GRIN2B: variants seen among roughly 807,000 people sequenced by gnomAD.
The protein encoded by GRIN2B is glutamate ionotropic receptor NMDA type subunit 2B, also known as glutamate receptor ionotropic, NMDA 2B.
Under a neutral mutation model 114.5 loss-of-function variants are expected in GRIN2B, and 5 were observed. The ratio of observed to expected loss-of-function variants is 0.04; its 90% CI spans 0.02 to 0.09. The LOEUF (loss-of-function observed/expected upper bound fraction) is 0.09, where lower values mean the gene tolerates loss of function less well. Ranked by LOEUF, GRIN2B falls within the 10% of genes least tolerant of loss-of-function variation. The probability of loss-of-function intolerance (pLI) is 1.00; values close to 1 mark genes in which losing one functional copy is unlikely to be tolerated. For synonymous variants in GRIN2B, 787 were observed against 745.1 expected (o/e 1.06, Z -0.92); for missense variants, 1,108 against 1,943.5 (o/e 0.57, Z 8.08).
At chr12:13,619,271 A>G (rs957610846) in intron 5 of GRIN2B, among the ~76,000 whole-genome samples, 1 of 152,248 alleles carries the variant, frequency 6.6e-6, no homozygotes, top group Non-Finnish European at 1.5e-5. Flanking sequence ...TTGATGTTTT[A>G]AAAAGCAATT....
At position 13,615,029 on chromosome 12, in the gene GRIN2B, C is replaced by G. The variant is rs1002747566; in HGVS notation, c.1654+85G>C. 19 of 1,239,742 alleles carry G rather than the reference C, an allele frequency of 1.5e-5. No individual in the cohort carries two copies. Among genetic ancestry groups the G allele is most frequent in the Non-Finnish European group, 1.9e-5 (16 of 839,386 alleles). The allele number at this position is 1,239,742 out of a possible 1,614,324, so 76.8% of individuals were successfully genotyped here. ...CTAGCAAACCACCTTCTAGCTGGAA[C>G]AGCCTGGCCATGTGCTCCTTTTTTC... On this transcript the variant is annotated intron_variant, in intron 8 of 13. Transcript: ENST00000609686. This position sits in a 1 kb window ranked among gnomAD's most constrained non-coding sequence, Gnocchi z 5.8.
rs143658576 is a variant in GRIN2B at position 13,962,089 on chromosome 12, T to TACACACACACACACACACACACAC, written c.-19+17815_-19+17838dup. Among the ~76,000 whole-genome samples the TACACACACACACACACACACACAC allele has an allele frequency of 1.0e-3, 150 of 145,338 alleles. 1 individual carries two copies. Among genetic ancestry groups the TACACACACACACACACACACACAC allele is most frequent in the Middle Eastern group, 7.1e-3 (2 of 282 alleles). ...TCTCAGATTCTGTCTCTCTCATACA[T>TACACACACACACACACACACACAC]ACACACACACACACACACACACACA... On this transcript the variant is annotated intron_variant, in intron 2 of 13. Transcript: ENST00000609686.
intron 3 of GRIN2B, among the ~76,000 whole-genome samples, chr12:13,785,088 G>T (rs1484675365): frequency 1.3e-5 from 2 of 151,940 alleles, no homozygotes; most frequent in South Asian, 2.1e-4. Flanking sequence ...TTTTAGCTTC[G>T]CAATTCAATT....
intron 4 of GRIN2B, among the ~76,000 whole-genome samples, chr12:13,678,841 A>ATATAT (rs1203209114): frequency 1.3e-5 from 2 of 152,158 alleles, no homozygotes; most frequent in Non-Finnish European, 2.9e-5. Context: ...ACTAGAATAT[A>ATATAT]AGCACTAATA....
intron 4 of GRIN2B, among the ~76,000 whole-genome samples, chr12:13,714,303 G>C (rs1417451533): frequency 6.6e-6 from 1 of 151,864 alleles, no homozygotes; most frequent in Admixed American, 6.6e-5. Flanking sequence ...GATCTATTCA[G>C]TAAGATACTT....
chr12:13,782,173 G>A (rs1864127300), intron 3 of GRIN2B, among the ~76,000 whole-genome samples: 1 of 152,116 alleles, frequency 6.6e-6, no homozygotes, highest in South Asian at 2.1e-4. Context: ...TCCATAATTA[G>A]AAAGCATATG....
At chr12:13,867,578 C>T (rs1169744362) in intron 2 of GRIN2B, among the ~76,000 whole-genome samples, 2 of 152,134 alleles carry the variant, frequency 1.3e-5, no homozygotes, top group African/African-American at 2.4e-5. Flanking sequence ...ATTTATTGTA[C>T]ATCTTTTATA....
At chr12:13,680,215 G>A (rs1238365151) in intron 4 of GRIN2B, among the ~76,000 whole-genome samples, 1 of 152,014 alleles carries the variant, frequency 6.6e-6, no homozygotes, top group Non-Finnish European at 1.5e-5. Flanking sequence ...CCTTGGATCT[G>A]GCTGTACTTT....
chr12:13,625,445 G>T (rs1316155773), intron 5 of GRIN2B, among the ~76,000 whole-genome samples: 1 of 152,132 alleles, frequency 6.6e-6, no homozygotes, highest in Non-Finnish European at 1.5e-5. Flanking sequence ...TGGGAGGCAG[G>T]GTACTGACAA....
intron 2 of GRIN2B, among the ~76,000 whole-genome samples, chr12:13,872,574 T>C (rs1344935703): frequency 6.6e-6 from 1 of 152,158 alleles, no homozygotes; most frequent in Non-Finnish European, 1.5e-5. Context: ...CTTCAGAATA[T>C]GTATCAAAAT....
At chr12:13,678,890 G>A in intron 4 of GRIN2B, among the ~76,000 whole-genome samples, 1 of 151,928 alleles carries the variant, frequency 6.6e-6, no homozygotes, top group Non-Finnish European at 1.5e-5. Flanking sequence ...CAAAGACCCT[G>A]AACAATTTCT....
chr12:13,879,248 A>G (rs538918027), intron 2 of GRIN2B, among the ~76,000 whole-genome samples: 1 of 152,254 alleles, frequency 6.6e-6, no homozygotes, highest in South Asian at 2.1e-4. Context: ...GGGATAGCCT[A>G]TTACTCCTAG....
chr12:13,703,575 ATC>A (rs1330042151), intron 4 of GRIN2B, among the ~76,000 whole-genome samples: 1 of 152,068 alleles, frequency 6.6e-6, no homozygotes, highest in South Asian at 2.1e-4. Context: ...CAATACTTTA[ATC>A]TCTCTCTCTA....
At chr12:13,908,621 T>C (rs934320209) in intron 2 of GRIN2B, among the ~76,000 whole-genome samples, 5 of 152,190 alleles carry the variant, frequency 3.3e-5, no homozygotes, top group Non-Finnish European at 7.3e-5. Flanking sequence ...TCTGTCTCCC[T>C]CTACCTTGCA....
At chr12:13,737,881 T>C (rs577961909) in intron 4 of GRIN2B, among the ~76,000 whole-genome samples, 3 of 152,254 alleles carry the variant, frequency 2.0e-5, no homozygotes, top group Non-Finnish European at 4.4e-5. Context: ...TTTAATCAGA[T>C]AGATTACATT....
At chr12:13,936,527 A>G (rs530733088) in intron 2 of GRIN2B, among the ~76,000 whole-genome samples, 2 of 152,346 alleles carry the variant, frequency 1.3e-5, no homozygotes, top group South Asian at 2.1e-4. Flanking sequence ...ATAACAAAGC[A>G]TAAAACCAAG....
chr12:13,887,214 A>C (rs1866177321), intron 2 of GRIN2B, among the ~76,000 whole-genome samples: 1 of 152,244 alleles, frequency 6.6e-6, no homozygotes, highest in Non-Finnish European at 1.5e-5. Context: ...CAAAGACACA[A>C]ATTTTTTTAA....
intron 2 of GRIN2B, among the ~76,000 whole-genome samples, chr12:13,927,201 A>G (rs1214602972): frequency 6.6e-6 from 1 of 152,198 alleles, no homozygotes; most frequent in African/African-American, 2.4e-5. Context: ...GCGATACAAG[A>G]TTTCAAGTAT....
chr12:13,695,773 G>A (rs1950254260), intron 4 of GRIN2B, among the ~76,000 whole-genome samples: 1 of 152,106 alleles, frequency 6.6e-6, no homozygotes, highest in East Asian at 1.9e-4. Flanking sequence ...TTTCATTGTT[G>A]TTAAGAAAAA....
Sources: allele counts gnomAD v4.1 joint callset (sites outside exome capture counted in the v4.1 genomes callset), GRCh38; gene constraint gnomAD v4.1.1; non-coding constraint Gnocchi (gnomAD v3.1); transcripts MANE v1.5; gene names NCBI Gene and HGNC (gene_info 2026-07-23, HGNC 2026-07-21).